ATP11A: variants seen among roughly 807,000 people sequenced by gnomAD.
The protein encoded by ATP11A is ATPase phospholipid transporting 11A.
A neutral mutation model predicts 154.4 loss-of-function variants in ATP11A; 81 were observed. The observed-to-expected ratio is 0.52, with a 90% CI of 0.44 to 0.63. ATP11A has a LOEUF of 0.63. Among genes scored for constraint, ATP11A ranks in the 30% least tolerant of loss-of-function variants. The pLI, the probability that ATP11A is intolerant of heterozygous loss-of-function variation, is 0.00. For missense variants in ATP11A, 1,316 were observed against 1,474.3 expected, an observed-to-expected ratio of 0.89 and a Z score of 1.76; for synonymous variants, 623 against 585.9, an observed-to-expected ratio of 1.06 and a Z score of -0.91.
In ATP11A at chr13:112,831,520, T is replaced by C. The variant is rs886557649; in HGVS notation, c.1367T>C (p.Ile456Thr). 4 of 1,614,142 alleles carry C rather than the reference T, an allele frequency of 2.5e-6. No homozygotes were observed. The African/African-American group carries it at 4.0e-5, about 16-fold the overall frequency. ...VLPESSGIDM[I>T]DSSPSVNGRE... The stretch of plus-strand genomic sequence containing the variant: ...CCAGAGTCGTCAGGAATCGACATGA[T>C]TGACTCGTCCCCCAGCGTCAACGGG... Residue 456 changes from isoleucine (I) to threonine (T), a missense_variant, in exon 13 of 30, where the codon ATT becomes ACT. Ile to Thr is a moderately conservative substitution (Grantham distance 89, BLOSUM62 -1). Transcript: ENST00000375645.
At chr13:112,743,616 A>G (rs959491745) in intron 1 of ATP11A, among the ~76,000 whole-genome samples, 1 of 150,954 alleles carries the variant, frequency 6.6e-6, no homozygotes, top group Non-Finnish European at 1.5e-5. Context: ...TTCCTGCTAG[A>G]GTGTGATAAC....
intron 25 of ATP11A, among the ~76,000 whole-genome samples, chr13:112,868,696 G>A (rs575262327): frequency 3.2e-4 from 48 of 152,314 alleles, no homozygotes; most frequent in Non-Finnish European, 5.9e-4. Flanking sequence ...TGGAAATAAC[G>A]ACCAGCAATT....
chr13:112,839,128 G>A (rs569163109), intron 16 of ATP11A, among the ~76,000 whole-genome samples: 6 of 152,288 alleles, frequency 3.9e-5, no homozygotes, highest in Non-Finnish European at 8.8e-5. Context: ...GAAGGACTTC[G>A]GAAGTCACAG....
rs4907556 is a variant in ATP11A, at chr13:112,875,469, A to G, written c.3162-307A>G. 0.34 allele frequency among the ~76,000 whole-genome samples: 50,234 copies of G among 148,446 alleles called. 9,096 individuals carry two copies. The highest frequency in any genetic ancestry group is 0.46 in the Middle Eastern group (132 of 290). Reference sequence around the variant, plus strand: ...CAAGATAGAAAAACATCCCTATTTCAATCCCTTTGTGTTTTGTTTTTTGTT... The same window carrying G: ...CAAGATAGAAAAACATCCCTATTTCGATCCCTTTGTGTTTTGTTTTTTGTT... On this transcript the variant is annotated intron_variant, in intron 27 of 29. Coordinates refer to ENST00000375645, the MANE Select transcript of ATP11A (RefSeq NM_015205.3). This position sits in a 1 kb window ranked among gnomAD's most constrained non-coding sequence, Gnocchi z 4.1.
At chr13:112,812,432 G>A (rs1372976840) in intron 5 of ATP11A, among the ~76,000 whole-genome samples, 1 of 152,212 alleles carries the variant, frequency 6.6e-6, no homozygotes, top group Admixed American at 6.5e-5. Flanking sequence ...AGGAGGTTTG[G>A]TGAGGGAGGC....
intron 1 of ATP11A, among the ~76,000 whole-genome samples, chr13:112,779,349 G>A (rs2077439795): frequency 1.2e-5 from 1 of 85,232 alleles, no homozygotes; most frequent in Admixed American, 1.2e-4. Flanking sequence ...CCGCTGGAGT[G>A]AGTAGCCGCT....
Position 112,845,764 on chromosome 13 carries a change from C to CA in ATP11A, c.1809+3385_1809+3386insA, listed in dbSNP as rs1370973325. On this transcript the variant is annotated intron_variant, in intron 17 of 29. Transcript: ENST00000375645. ...TAGCGGTACTAACCAGTCCAGTTGC[C>CA]GGCACTAGCGGTACTAACCAGTCCA... 5.7e-4 allele frequency among the ~76,000 whole-genome samples: 24 copies of CA among 42,412 alleles called. 1 individual carries two copies. The highest frequency in any genetic ancestry group is 4.3e-3 in the African/African-American group (21 of 4,936). The allele number at this position is 42,412 out of a possible 152,430, so 27.8% of individuals were successfully genotyped here. A position where few individuals can be genotyped will look rare whatever the true frequency, so the allele number is the denominator to read the frequency against.
intron 1 of ATP11A, among the ~76,000 whole-genome samples, chr13:112,699,916 A>G (rs1351228672): frequency 6.6e-6 from 1 of 152,138 alleles, no homozygotes; most frequent in Non-Finnish European, 1.5e-5. Flanking sequence ...ACATGAAAAT[A>G]ACCTTGTAAT....
At chr13:112,835,946 G>A (rs1348542522) in intron 15 of ATP11A, among the ~76,000 whole-genome samples, 2 of 152,196 alleles carry the variant, frequency 1.3e-5, no homozygotes, top group African/African-American at 4.8e-5. Flanking sequence ...GTGAGGAGCC[G>A]GTGCCACAGG....
At chr13:112,832,828 A>C (rs752024207) in intron 13 of ATP11A, 32 bp from the exon 14 acceptor site, 5 of 1,594,690 alleles carry the variant, frequency 3.1e-6, no homozygotes, top group Non-Finnish European at 4.3e-6. Flanking sequence ...ACGCACCGTG[A>C]TTTGGGGGTT....
chr13:112,755,683 A>C (rs1322166376), intron 1 of ATP11A, among the ~76,000 whole-genome samples: 1 of 150,106 alleles, frequency 6.7e-6, no homozygotes, highest in Non-Finnish European at 1.5e-5. Context: ...GGCTCCCAGA[A>C]CCATTTCCGG....
intron 16 of ATP11A, among the ~76,000 whole-genome samples, chr13:112,841,317 G>T (rs2079410029): frequency 6.8e-6 from 1 of 147,644 alleles, no homozygotes; most frequent in Non-Finnish European, 1.5e-5. Flanking sequence ...GTGCCACGTG[G>T]CTTCGCGGAC....
At chr13:112,864,088 T>C (rs71446922) in intron 25 of ATP11A, among the ~76,000 whole-genome samples, 473 of 29,608 alleles carry the variant, frequency 0.016, no homozygotes, top group Middle Eastern at 0.077. Context: ...ATGCAGCTTC[T>C]CAGCGGGGTC....
At chr13:112,866,653 T>TTTTTTTTTTTTTTTTTTTTTTGAG (rs1555342471) in intron 25 of ATP11A, among the ~76,000 whole-genome samples, 1 of 145,100 alleles carries the variant, frequency 6.9e-6, no homozygotes, top group African/African-American at 2.5e-5. Flanking sequence ...GGGTGACTTC[T>TTTTTTTTTTTTTTTTTTTTTTGAG]AAACAGAAAT....
chr13:112,715,740 T>C (rs867364385), intron 1 of ATP11A, among the ~76,000 whole-genome samples: 91 of 151,812 alleles, frequency 6.0e-4, no homozygotes, highest in African/African-American at 2.0e-3. Context: ...TTTTCAGCAG[T>C]TGTGCTATTT....
chr13:112,859,354 G>C lies in ATP11A; in HGVS notation c.2668-39G>C. On this transcript the variant is annotated intron_variant, in intron 22 of 29. Coordinates refer to ENST00000375645, the MANE Select transcript of ATP11A (RefSeq NM_015205.3). This position sits in a 1 kb window ranked among gnomAD's most constrained non-coding sequence, Gnocchi z 4.3. The stretch of plus-strand genomic sequence containing the variant: ...CGGTAGGTGGCGGCTGCCTCCCTCT[G>C]TCCCGTCACCGAACTAACAGTTATG... 2 of 1,595,248 alleles carry C rather than the reference G, an allele frequency of 1.3e-6. No homozygotes were observed. The highest frequency in any genetic ancestry group is 1.7e-6 in the Non-Finnish European group (2 of 1,162,948).
At position 112,732,023 on chromosome 13, in the gene ATP11A, C is replaced by T. The variant is rs77304085; in HGVS notation, c.39+41568C>T. On this transcript the variant is annotated intron_variant, in intron 1 of 29. Coordinates refer to ENST00000375645, the MANE Select transcript of ATP11A (RefSeq NM_015205.3). Reference sequence around the variant, plus strand: ...CCCCAGGTGAGACAGTGGCCCGCAGCGGCATCCTGTGCATACCTGCACCTA... The same window carrying T: ...CCCCAGGTGAGACAGTGGCCCGCAGTGGCATCCTGTGCATACCTGCACCTA... Among the ~76,000 whole-genome samples, 10 of 152,138 alleles carry T rather than the reference C, an allele frequency of 6.6e-5. No individual in the cohort carries two copies. In the East Asian group the frequency reaches 1.5e-3, roughly 24 times the overall value.
rs1233898340 is a variant in ATP11A, at chr13:112,707,363, T to TCTC, written c.39+16908_39+16909insCTC. ...CCAGGAGACAGAGGTTGCAGTGAGC[T>TCTC]AAGATCACACCATTGCACTCCAGCC... On this transcript the variant is annotated intron_variant, in intron 1 of 29. Transcript: ENST00000375645. Among the ~76,000 whole-genome samples, 15 of 140,410 alleles carry TCTC rather than the reference T, an allele frequency of 1.1e-4. No individual in the cohort carries two copies. The South Asian group carries it at 1.8e-3, about 17-fold the overall frequency. 92.1% of individuals were successfully genotyped at this position (140,410 alleles called of 152,430 possible).
chr13:112,725,585 G>A (rs1889760778), intron 1 of ATP11A, among the ~76,000 whole-genome samples: 1 of 152,202 alleles, frequency 6.6e-6, no homozygotes, highest in East Asian at 1.9e-4. Context: ...TGCCTCTAAC[G>A]ACCAAGTGTG....
Sources: allele counts gnomAD v4.1 joint callset (sites outside exome capture counted in the v4.1 genomes callset), GRCh38; gene constraint gnomAD v4.1.1; non-coding constraint Gnocchi (gnomAD v3.1); transcripts MANE v1.5; gene names NCBI Gene and HGNC (gene_info 2026-07-23, HGNC 2026-07-21).